Variants in CDKAL1 observed in about 807,000 individuals in gnomAD.
CDKAL1 encodes threonylcarbamoyladenosine tRNA methylthiotransferase.
Under a neutral mutation model 68.2 loss-of-function variants are expected in CDKAL1, and 32 were observed. That is an observed-to-expected ratio of 0.47 (90% CI 0.35 to 0.63). The LOEUF (loss-of-function observed/expected upper bound fraction) is 0.63, where lower values mean the gene tolerates loss of function less well. Among genes scored for constraint, CDKAL1 ranks in the 30% least tolerant of loss-of-function variants. The pLI, the probability that CDKAL1 is intolerant of heterozygous loss-of-function variation, is 0.00. For missense variants in CDKAL1, 606 were observed against 696.7 expected (o/e 0.87, Z 1.47); for synonymous variants, 234 against 244.3 (o/e 0.96, Z 0.39).
chr6:20,750,715 G>C (rs926371771), intron 6 of CDKAL1, among the ~76,000 whole-genome samples: 2 of 152,010 alleles, frequency 1.3e-5, no homozygotes, highest in African/African-American at 4.8e-5. Flanking sequence ...TGTAATCCCA[G>C]CACTTTGGGA....
intron 11 of CDKAL1, among the ~76,000 whole-genome samples, chr6:21,036,448 A>C (rs201297): frequency 0.11 from 16,604 of 152,172 alleles, 1,143 homozygotes; most frequent in Middle Eastern, 0.16. Flanking sequence ...TCTGTTTCTG[A>C]CAAAAATTTG....
At chr6:20,950,404 G>A (rs564940209) in intron 9 of CDKAL1, among the ~76,000 whole-genome samples, 43 of 152,234 alleles carry the variant, frequency 2.8e-4, no homozygotes, top group Non-Finnish European at 5.9e-4. Flanking sequence ...GATTACAGGC[G>A]TGAGCCACTG....
chr6:21,070,327 C>T (rs1301454195), intron 12 of CDKAL1, among the ~76,000 whole-genome samples: 1 of 151,894 alleles, frequency 6.6e-6, no homozygotes, highest in Non-Finnish European at 1.5e-5. Context: ...TTTTAGTCTA[C>T]ACTGGCAGTG....
intron 1 of CDKAL1, 101 bp from the exon 2 acceptor site, chr6:20,535,250 A>G (rs958309668): frequency 6.6e-6 from 1 of 152,402 alleles, no homozygotes; most frequent in African/African-American, 2.4e-5. Context: ...TGTATAAAGC[A>G]GTCTTTTATG....
chr6:21,147,324 T>C (rs1257754407), intron 13 of CDKAL1, among the ~76,000 whole-genome samples: 2 of 152,240 alleles, frequency 1.3e-5, no homozygotes, highest in Non-Finnish European at 2.9e-5. Flanking sequence ...CTTTTAAAAA[T>C]GGTTTTAATA....
At chr6:20,646,215 C>T (rs1288145526) in intron 4 of CDKAL1, among the ~76,000 whole-genome samples, 1 of 151,610 alleles carries the variant, frequency 6.6e-6, no homozygotes, top group Non-Finnish European at 1.5e-5. Flanking sequence ...TGCTACTGCA[C>T]CCGGCTAATT....
intron 8 of CDKAL1, among the ~76,000 whole-genome samples, chr6:20,809,015 A>G (rs1393518522): frequency 2.0e-5 from 3 of 152,176 alleles, no homozygotes; most frequent in Non-Finnish European, 2.9e-5. Context: ...TTTGAAGGCA[A>G]AGACCATACA....
rs181200458 is a variant in CDKAL1, at chr6:21,180,184, C to T, written c.1300-17837C>T. On this transcript the variant is annotated intron_variant, in intron 13 of 15. Transcript: ENST00000274695. ...AAAATAAGGTAAACCATTTCATCAC[C>T]AGAACAAAAGTAGTGGTATGGTAAT... 3.5e-3 allele frequency among the ~76,000 whole-genome samples: 525 copies of T among 152,158 alleles called. 4 individuals are homozygous for T. Among genetic ancestry groups the T allele is most frequent in the African/African-American group, 0.012 (497 of 41,498 alleles).
chr6:20,666,723 G>A, intron 5 of CDKAL1, among the ~76,000 whole-genome samples: 1 of 141,848 alleles, frequency 7.0e-6, no homozygotes, highest in East Asian at 2.1e-4. Flanking sequence ...TAGTGATTAT[G>A]ATGACATTAC....
chr6:21,113,427 A>G (rs1327866370), intron 13 of CDKAL1, among the ~76,000 whole-genome samples: 5 of 152,016 alleles, frequency 3.3e-5, no homozygotes, highest in African/African-American at 9.7e-5. Context: ...CAGTAGGACC[A>G]CTTGAGGCCA....
At chr6:20,738,485 G>GTT (rs71712438) in intron 5 of CDKAL1, among the ~76,000 whole-genome samples, 26,925 of 119,390 alleles carry the variant, frequency 0.23, 3,493 homozygotes, top group East Asian at 0.31. Flanking sequence ...CTACTTCTTA[G>GTT]TTTTTTTTTT....
At chr6:20,858,990 A>G (rs1478209492) in intron 9 of CDKAL1, among the ~76,000 whole-genome samples, 4 of 152,190 alleles carry the variant, frequency 2.6e-5, no homozygotes, top group Non-Finnish European at 5.9e-5. Flanking sequence ...CTACATAAAC[A>G]AAATAAAATT....
rs138972498 is a variant in CDKAL1 at position 21,193,170 on chromosome 6, C to T, written c.1300-4851C>T. Among the ~76,000 whole-genome samples the T allele has an allele frequency of 6.6e-5, 10 of 152,236 alleles. No homozygotes were observed. In the East Asian group the frequency reaches 1.9e-3, roughly 29 times the overall value. On this transcript the variant is annotated intron_variant, in intron 13 of 15. Coordinates refer to ENST00000274695, the MANE Select transcript of CDKAL1 (RefSeq NM_017774.3). ...GCTTCTTTAAGGAAACTTCAAGACA[C>T]TCAATAGCCTCTTGAGACACCTTGT... is the stretch of plus-strand genomic sequence containing the variant.
At chr6:20,962,050 G>A (rs17236694) in intron 10 of CDKAL1, among the ~76,000 whole-genome samples, 6,466 of 152,242 alleles carry the variant, frequency 0.042, 142 homozygotes, top group Middle Eastern at 0.054. Context: ...TACAACCTGC[G>A]CCAGAGAGGG....
chr6:20,845,506 A>G (rs1222006394), intron 8 of CDKAL1, among the ~76,000 whole-genome samples: 1 of 152,070 alleles, frequency 6.6e-6, no homozygotes, highest in Non-Finnish European at 1.5e-5. Context: ...GTAGTCTCAG[A>G]GAATTATTCA....
intron 10 of CDKAL1, among the ~76,000 whole-genome samples, chr6:20,985,591 C>T (rs1383623346): frequency 6.6e-6 from 1 of 152,126 alleles, no homozygotes; most frequent in Non-Finnish European, 1.5e-5. Flanking sequence ...CACTGCACCC[C>T]ACCCTGTTCC....
At chr6:20,994,699 G>T (rs1418684326) in intron 10 of CDKAL1, among the ~76,000 whole-genome samples, 1 of 152,168 alleles carries the variant, frequency 6.6e-6, no homozygotes, top group East Asian at 1.9e-4. Flanking sequence ...GTATGTAAAA[G>T]TTATGTTTAT....
rs182462309 is a variant in CDKAL1, at chr6:20,824,074, A to C, written c.639-22001A>C. 4.0e-3 allele frequency among the ~76,000 whole-genome samples: 615 copies of C among 152,236 alleles called. 3 individuals carry two copies. Among genetic ancestry groups the C allele is most frequent in the Non-Finnish European group, 6.3e-3 (427 of 67,992 alleles). The stretch of plus-strand genomic sequence containing the variant: ...GAATTTTGGGATTCCCTTAAAGTCT[A>C]CTTTCAAGTGGATTCAAGCATGGAT... On this transcript the variant is annotated intron_variant, in intron 8 of 15. Transcript: ENST00000274695.
chr6:21,138,215 T>TTG (rs1032775810), intron 13 of CDKAL1, among the ~76,000 whole-genome samples: 1 of 119,654 alleles, frequency 8.4e-6, no homozygotes, highest in Non-Finnish European at 1.7e-5. Context: ...TAACCCACAT[T>TTG]TGTGTGTGTG....
Sources: gnomAD v4.1 joint callset for allele counts (sites outside exome capture counted in the v4.1 genomes callset) on GRCh38, gnomAD v4.1.1 for gene constraint, MANE v1.5 for transcripts, NCBI Gene and HGNC (gene_info 2026-07-23, HGNC 2026-07-21) for gene names.